The following BANP variants were observed in gnomAD, a reference collection of about 807,000 sequenced individuals.
BANP encodes BTG3 associated nuclear protein, also known as protein BANP.
Under a neutral mutation model 68.1 loss-of-function variants are expected in BANP, and 11 were observed. That is an observed-to-expected ratio of 0.16 (90% CI 0.10 to 0.27). The LOEUF is 0.27. Ranked by LOEUF, BANP falls within the 10% of genes least tolerant of loss-of-function variation. The pLI, the probability that BANP is intolerant of heterozygous loss-of-function variation, is 1.00. For missense variants in BANP, 504 were observed against 722.7 expected, an observed-to-expected ratio of 0.70 and a Z score of 3.47; for synonymous variants, 329 against 303.2, an observed-to-expected ratio of 1.09 and a Z score of -0.88.
At chr16:88,043,040 C>T (rs2081189939) in intron 11 of BANP, among the ~76,000 whole-genome samples, 1 of 152,218 alleles carries the variant, frequency 6.6e-6, no homozygotes, top group Non-Finnish European at 1.5e-5. Flanking sequence ...TAACAACGAG[C>T]ATTCAGGTCA....
At chr16:88,061,027 C>T (rs1050375264) in intron 11 of BANP, among the ~76,000 whole-genome samples, 6 of 152,156 alleles carry the variant, frequency 3.9e-5, no homozygotes, top group African/African-American at 4.8e-5. Context: ...CCAGGAGCGC[C>T]GCCCTGCTGG....
chr16:87,972,764 C>G (rs1292484256), intron 1 of BANP, among the ~76,000 whole-genome samples: 1 of 152,120 alleles, frequency 6.6e-6, no homozygotes, highest in Admixed American at 6.5e-5. Context: ...GTTCCTTTGT[C>G]TCTAGTTTCC....
At position 88,002,115 on chromosome 16, in the gene BANP, G is replaced by A. The variant is rs527819811; in HGVS notation, c.363-2180G>A. 1.3e-5 allele frequency among the ~76,000 whole-genome samples: 2 copies of A among 152,274 alleles called. No individual in the cohort carries two copies. Among genetic ancestry groups the A allele is most frequent in the East Asian group, 3.9e-4 (2 of 5,182 alleles). The stretch of plus-strand genomic sequence containing the variant: ...AATTATTGAATCAATGGATGATTAT[G>A]TTTGACTGCTTAGATGAGACAGGAT... On this transcript the variant is annotated intron_variant, in intron 4 of 13. Transcript: ENST00000682872. The surrounding 1 kb of genome is among the most constrained non-coding windows in gnomAD (Gnocchi z 4.6).
chr16:88,049,614 C>T (rs1472988820), intron 11 of BANP, among the ~76,000 whole-genome samples: 1 of 152,200 alleles, frequency 6.6e-6, no homozygotes, highest in South Asian at 2.1e-4. Flanking sequence ...GGTCCACACA[C>T]CTGGCATCAT....
chr16:87,968,250 G>A (rs996095434), intron 1 of BANP, among the ~76,000 whole-genome samples: 1 of 151,680 alleles, frequency 6.6e-6, no homozygotes, highest in Non-Finnish European at 1.5e-5. Flanking sequence ...TTGGGAGACC[G>A]AGGTGGGTGG....
chr16:87,975,021 T>A, intron 1 of BANP, 27 bp from the exon 2 acceptor site: 2 of 1,048,920 alleles, frequency 1.9e-6, no homozygotes, highest in Non-Finnish European at 2.9e-6. Context: ...TAATGTCCTC[T>A]CCTCCTCCTT....
chr16:88,045,545 G>A (rs2081826257), intron 11 of BANP, among the ~76,000 whole-genome samples: 1 of 152,168 alleles, frequency 6.6e-6, no homozygotes, highest in Admixed American at 6.5e-5. Context: ...ATAACATGCT[G>A]GACTCCCTCG....
intron 2 of BANP, among the ~76,000 whole-genome samples, chr16:87,977,060 T>C (rs1296280990): frequency 1.3e-5 from 2 of 152,184 alleles, no homozygotes; most frequent in Admixed American, 6.5e-5. Flanking sequence ...GAATCTTGAT[T>C]TTGTTCCAAC....
At chr16:87,964,782 C>T (rs2059755981) in intron 1 of BANP, among the ~76,000 whole-genome samples, 1 of 152,132 alleles carries the variant, frequency 6.6e-6, no homozygotes, top group Non-Finnish European at 1.5e-5. Flanking sequence ...GAGGCCGGAT[C>T]AGGGTGAAGG....
chr16:87,966,897 T>C (rs11117317), intron 1 of BANP: 102,065 of 152,402 alleles, frequency 0.67, 34,897 homozygotes, highest in African/African-American at 0.78. Context: ...CAGCCTGGGC[T>C]GGTGTGGCAG....
intron 6 of BANP, among the ~76,000 whole-genome samples, chr16:88,009,285 G>A (rs1183148838): frequency 6.6e-6 from 1 of 152,122 alleles, no homozygotes; most frequent in African/African-American, 2.4e-5. Flanking sequence ...AGTGCTAAAG[G>A]GGGTGTGCTT....
chr16:88,001,939 A>C lies in BANP; in HGVS notation c.363-2356A>C, dbSNP rs577565334. On this transcript the variant is annotated intron_variant, in intron 4 of 13. Coordinates refer to ENST00000682872, the MANE Select transcript of BANP (RefSeq NM_001386991.1). ...AAAAAAAAACAAAAAAACAAAAAAA[A>C]AAAAACCTTCTGGATTGAAGGTTCA... Among the ~76,000 whole-genome samples the C allele has an allele frequency of 1.6e-3, 245 of 152,280 alleles. 2 individuals carry two copies. The highest frequency in any genetic ancestry group is 5.7e-3 in the African/African-American group (236 of 41,554).
At position 88,071,776 on chromosome 16, in the gene BANP, A is replaced by C. The variant is rs1599140205; in HGVS notation, c.1378-293A>C. 1.6e-6 allele frequency: 1 copy of C among 623,396 alleles called. No homozygotes were observed. Among genetic ancestry groups the C allele is most frequent in the Non-Finnish European group, 2.9e-6 (1 of 342,018 alleles). The allele number at this position is 623,396 out of a possible 1,614,324, so 38.6% of individuals were successfully genotyped here. On this transcript the variant is annotated intron_variant, in intron 12 of 13. Coordinates refer to ENST00000682872, the MANE Select transcript of BANP (RefSeq NM_001386991.1). The surrounding 1 kb of genome is among the most constrained non-coding windows in gnomAD (Gnocchi z 6.5). ...TGCTGTTGCTCTCTTTTTCTGTGGAAGCTCTGCCTTGCTTTTTTTTTTTTC... is the reference window on the plus strand; with the variant it reads ...TGCTGTTGCTCTCTTTTTCTGTGGACGCTCTGCCTTGCTTTTTTTTTTTTC...
rs550298421 is a variant in BANP at position 88,057,467 on chromosome 16, C to G, written c.1312-7800C>G. Among the ~76,000 whole-genome samples, 6 of 152,014 alleles carry G rather than the reference C, an allele frequency of 3.9e-5. No individual in the cohort carries two copies. The highest frequency in any genetic ancestry group is 1.5e-4 in the African/African-American group (6 of 41,364). On this transcript the variant is annotated intron_variant, in intron 11 of 13. Coordinates refer to ENST00000682872, the MANE Select transcript of BANP (RefSeq NM_001386991.1). The surrounding 1 kb of genome is among the most constrained non-coding windows in gnomAD (Gnocchi z 4.6). ...CAGGGGGATGCCCTGGAGACTCTTG[C>G]GGTCCCCTCCACGTGTTCACCTCGT...
chr16:88,021,736 G>A (rs867724274), intron 7 of BANP, among the ~76,000 whole-genome samples: 3 of 152,206 alleles, frequency 2.0e-5, no homozygotes, highest in Admixed American at 6.5e-5. Flanking sequence ...GGAATTGGCC[G>A]CATTGCCCCA....
intron 13 of BANP, among the ~76,000 whole-genome samples, chr16:88,073,480 G>A (rs2090889280): frequency 6.6e-6 from 1 of 152,250 alleles, no homozygotes; most frequent in Admixed American, 6.5e-5. Flanking sequence ...GTTCCACATT[G>A]TCGCCGACCT....
At chr16:88,044,844 C>A (rs79670484) in intron 11 of BANP, among the ~76,000 whole-genome samples, 30,292 of 151,920 alleles carry the variant, frequency 0.2, 3,685 homozygotes, top group East Asian at 0.49. Flanking sequence ...TTAGCCGGTG[C>A]GGTGGCAGGC....
intron 11 of BANP, among the ~76,000 whole-genome samples, chr16:88,040,457 G>A (rs946516399): frequency 2.7e-5 from 4 of 150,268 alleles, no homozygotes; most frequent in Non-Finnish European, 5.9e-5. Flanking sequence ...TAGCCCATTC[G>A]CTCTCCTCCC....
intron 2 of BANP, 44 bp from the exon 3 acceptor site, chr16:87,980,992 A>C (rs1598052889): frequency 7.2e-7 from 1 of 1,390,110 alleles, no homozygotes; most frequent in Non-Finnish European, 1.0e-6. Context: ...AATTCTGTAA[A>C]ACTTTTCATG....
Sources: allele counts gnomAD v4.1 joint callset (sites outside exome capture counted in the v4.1 genomes callset), GRCh38; gene constraint gnomAD v4.1.1; non-coding constraint Gnocchi (gnomAD v3.1); transcripts MANE v1.5; gene names NCBI Gene and HGNC (gene_info 2026-07-23, HGNC 2026-07-21).